GNL3: variants seen among roughly 807,000 people sequenced by gnomAD.
GNL3 encodes guanine nucleotide-binding protein-like 3.
GNL3 carries 77 observed loss-of-function variants against 70.6 expected under a neutral mutation model. That is an observed-to-expected ratio of 1.09 (90% confidence interval 0.91 to 1.32). The LOEUF is 1.32. GNL3 is among the 40% of genes most tolerant of loss of function. The probability of loss-of-function intolerance (pLI) is 0.00; values close to 1 mark genes in which losing one functional copy is unlikely to be tolerated. For missense variants in GNL3, 634 were observed against 644.0 expected, an observed-to-expected ratio of 0.98 and a Z score of 0.17; for synonymous variants, 252 against 216.1, an observed-to-expected ratio of 1.17 and a Z score of -1.46.
chr3:52,692,675 TAA>T (rs2097328445), intron 9 of GNL3, 195 bp from the exon 10 acceptor site: 15 of 735,682 alleles, frequency 2.0e-5, no homozygotes, highest in Non-Finnish European at 3.5e-5. Context: ...TGTAAATATA[TAA>T]GCTATAACAT....
chr3:52,691,315 G>T, intron 8 of GNL3: 1 of 602,368 alleles, frequency 1.7e-6, no homozygotes, highest in Non-Finnish European at 2.9e-6. Flanking sequence ...TAGGAAGCTG[G>T]TTTCTAAAAG....
chr3:52,690,163 C>T (rs1159016229), intron 6 of GNL3, among the ~76,000 whole-genome samples: 1 of 152,138 alleles, frequency 6.6e-6, no homozygotes, highest in Non-Finnish European at 1.5e-5. Flanking sequence ...TAGTTAAATC[C>T]TTTTGAAAGG....
intron 4 of GNL3, chr3:52,687,817 G>A (rs2097323527): frequency 1.7e-6 from 1 of 595,836 alleles, no homozygotes; most frequent in Non-Finnish European, 3.0e-6. Flanking sequence ...AGCAGACACG[G>A]GCTTTCACTA....
rs534213572 is a variant in GNL3, at chr3:52,692,958, C to T, written c.956C>T (p.Ala319Val). Residue 319 changes from alanine to valine, a missense_variant, in exon 10 of 15, where the codon GCG becomes GTG. By Grantham distance (64) the Ala-to-Val change is moderately conservative. Coordinates refer to ENST00000418458, the MANE Select transcript of GNL3 (RefSeq NM_014366.5). ...GTATCTCCACTTAATTCCTCCTCTG[C>T]GCTTGCTCTGCGAAGTCCAGCAAGT... ...FIVSPLNSSSALALRSPASIE... is the reference protein window; with the variant it reads ...FIVSPLNSSSVLALRSPASIE... 7.4e-6 allele frequency: 12 copies of T among 1,613,174 alleles called. No homozygotes were observed. Among genetic ancestry groups the T allele is most frequent in the South Asian group, 1.1e-5 (1 of 91,062 alleles).
intron 8 of GNL3, chr3:52,691,331 GGTTT>G (rs1379075203): frequency 3.3e-6 from 2 of 604,394 alleles, no homozygotes; most frequent in African/African-American, 3.7e-5. Context: ...AAAAGTTCTT[GGTTT>G]GTTTGAATTT....
intron 4 of GNL3, 92 bp from the exon 5 acceptor site, chr3:52,688,017 T>G: frequency 2.6e-6 from 2 of 768,470 alleles, no homozygotes; most frequent in East Asian, 2.5e-5. Context: ...ATTTAACAAC[T>G]GCAAGGGCTG....
chr3:52,693,446 GGAC>G lies in GNL3; in HGVS notation c.1227_1229del (p.Trp409_Thr410delinsCys). On this transcript the variant is annotated inframe_deletion, in exon 12 of 15. Transcript: ENST00000418458. Reference sequence around the variant, plus strand: ...TACTATTGCCATCCCCCTACATCTTGGACTCCTCCTCCATATTTTAATGAGAGT... The same window carrying G: ...TACTATTGCCATCCCCCTACATCTTGTCCTCCTCCATATTTTAATGAGAGT... The G allele has an allele frequency of 6.2e-7, 1 of 1,613,756 alleles. No individual in the cohort carries two copies. Among genetic ancestry groups the G allele is most frequent in the Non-Finnish European group, 8.5e-7 (1 of 1,179,796 alleles).
At chr3:52,693,153 A>G (rs933363683) in intron 10 of GNL3, 34 bp from the exon 11 acceptor site, 3 of 1,595,512 alleles carry the variant, frequency 1.9e-6, no homozygotes, top group African/African-American at 2.7e-5. Context: ...ATGTCAGATG[A>G]AGGACAGCTC....
intron 8 of GNL3, 86 bp from the exon 9 acceptor site, chr3:52,691,456 C>T (rs3774350): frequency 1.2e-6 from 1 of 808,200 alleles, no homozygotes; most frequent in East Asian, 2.5e-5. Context: ...CCCTAAACAT[C>T]AGGGAAATGG....
At chr3:52,688,973 A>C in intron 5 of GNL3, 101 bp from the exon 6 acceptor site, 1 of 918,402 alleles carries the variant, frequency 1.1e-6, no homozygotes, top group Admixed American at 2.0e-5. Flanking sequence ...CTAAATGGAT[A>C]ATGCCAGTAC....
At chr3:52,693,843 G>A in intron 13 of GNL3, 36 bp downstream of exon 13, 1 of 1,549,048 alleles carries the variant, frequency 6.5e-7, no homozygotes, top group Non-Finnish European at 8.9e-7. Context: ...ACTGAAGTGA[G>A]TTTTCTAGCA....
chr3:52,687,193 G>A (rs2154098391), intron 2 of GNL3, 53 bp from the exon 3 acceptor site: 2 of 1,485,642 alleles, frequency 1.3e-6, no homozygotes, highest in East Asian at 2.3e-5. Context: ...CTTGAATTCT[G>A]CTTAAGTATA....
intron 3 of GNL3, 41 bp downstream of exon 3, chr3:52,687,424 G>A: frequency 1.2e-6 from 2 of 1,606,838 alleles, no homozygotes; most frequent in Non-Finnish European, 1.7e-6. Context: ...GTGGTGTAGT[G>A]TGTTATGTGT....
In GNL3 at chr3:52,692,956, T is replaced by G. The variant is rs2097328799; in HGVS notation, c.954T>G (p.Ser318=). 1.2e-6 allele frequency: 2 copies of G among 1,613,542 alleles called. No individual in the cohort carries two copies. The highest frequency in any genetic ancestry group is 1.7e-6 in the Non-Finnish European group (2 of 1,179,542). Residue 318 remains serine, a synonymous_variant, in exon 10 of 15, where the codon TCT becomes TCG. Coordinates refer to ENST00000418458, the MANE Select transcript of GNL3 (RefSeq NM_014366.5). ...SFIVSPLNSS[S]ALALRSPASI... ...TCGTATCTCCACTTAATTCCTCCTC[T>G]GCGCTTGCTCTGCGAAGTCCAGCAA...
intron 5 of GNL3, chr3:52,688,827 G>A (rs138199111): frequency 3.9e-6 from 2 of 509,946 alleles, no homozygotes; most frequent in East Asian, 7.2e-5. Context: ...AGGGATATTT[G>A]CATTTTTGAA....
intron 6 of GNL3, 86 bp from the exon 7 acceptor site, chr3:52,690,506 G>A (rs896971783): frequency 1.6e-5 from 12 of 732,472 alleles, no homozygotes; most frequent in East Asian, 5.2e-5. Flanking sequence ...CTCGTGATCC[G>A]CCTGTCTCGG....
At position 52,686,068 on chromosome 3, in the gene GNL3, G is replaced by T; in HGVS notation, c.-25G>T. On this transcript the variant is annotated 5_prime_UTR_variant, in exon 1 of 15. Coordinates refer to ENST00000418458, the MANE Select transcript of GNL3 (RefSeq NM_014366.5). ...GGCGCCAGCGGAGGCAGGTTGATGT[G>T]TTTGTGCTTCCTTCTACAGCCAATA... 4 of 1,093,362 alleles carry T rather than the reference G, an allele frequency of 3.7e-6. 1 individual carries two copies. The South Asian group carries it at 3.7e-5, about 10-fold the overall frequency. 67.7% of individuals were successfully genotyped at this position (1,093,362 alleles called of 1,614,324 possible). A position where few individuals can be genotyped will look rare whatever the true frequency, so the allele number is the denominator to read the frequency against.
upstream of GNL3, chr3:52,686,002 C>T: frequency 2.6e-6 from 2 of 781,250 alleles, no homozygotes; most frequent in Non-Finnish European, 4.7e-6. Context: ...ACGGCGGCAG[C>T]GTAAGTGCGT....
chr3:52,688,039 T>A, intron 4 of GNL3, 70 bp from the exon 5 acceptor site: 1 of 859,636 alleles, frequency 1.2e-6, no homozygotes, highest in Non-Finnish European at 2.0e-6. Context: ...TACTCAGCTG[T>A]GGAAAATGGA....
Sources: gnomAD v4.1 joint callset for allele counts (sites outside exome capture counted in the v4.1 genomes callset) on GRCh38, gnomAD v4.1.1 for gene constraint, MANE v1.5 for transcripts, NCBI Gene and HGNC (gene_info 2026-07-23, HGNC 2026-07-21) for gene names.